The following SNX29 variants were observed in gnomAD, a reference collection of about 807,000 sequenced individuals.
SNX29 encodes the protein sorting nexin 29.
Under a neutral mutation model 102.1 loss-of-function variants are expected in SNX29, and 78 were observed. The observed-to-expected ratio is 0.76, with a 90% CI of 0.64 to 0.92. SNX29 has a LOEUF of 0.92. SNX29 is among the 40% of genes least tolerant of loss of function. The pLI is 0.00. For synonymous variants in SNX29, 580 were observed against 414.5 expected (o/e 1.40, Z -4.85); for missense variants, 1,280 against 1,061.7 (o/e 1.21, Z -2.86).
At chr16:12,386,794 CT>C in intron 16 of SNX29, among the ~76,000 whole-genome samples, 1 of 152,254 alleles carries the variant, frequency 6.6e-6, no homozygotes, top group South Asian at 2.1e-4. Context: ...AAAAAAAGGC[CT>C]TCTTTTCCAG....
At chr16:12,318,893 C>T (rs1036064483) in intron 15 of SNX29, among the ~76,000 whole-genome samples, 1 of 152,090 alleles carries the variant, frequency 6.6e-6, no homozygotes, top group African/African-American at 2.4e-5. Flanking sequence ...TCCTGAAGAC[C>T]TTCCTCTAGA....
At chr16:12,383,736 T>C (rs1365670409) in intron 16 of SNX29, among the ~76,000 whole-genome samples, 2 of 150,768 alleles carry the variant, frequency 1.3e-5, no homozygotes, top group Middle Eastern at 3.5e-3. Flanking sequence ...ACGCCCAGCC[T>C]GATGTAACAT....
At chr16:12,094,731 G>A (rs1268468432) in intron 11 of SNX29, among the ~76,000 whole-genome samples, 1 of 152,162 alleles carries the variant, frequency 6.6e-6, no homozygotes, top group Admixed American at 6.6e-5. Flanking sequence ...GTGGTGGACA[G>A]GACAGGTCCT....
chr16:12,172,845 A>G (rs1057434394), intron 13 of SNX29, among the ~76,000 whole-genome samples: 1 of 152,226 alleles, frequency 6.6e-6, no homozygotes, highest in African/African-American at 2.4e-5. Flanking sequence ...TCAGTGTTCT[A>G]TGTGAAGATG....
intron 19 of SNX29, among the ~76,000 whole-genome samples, chr16:12,506,895 G>C (rs1038026484): frequency 6.6e-6 from 1 of 150,656 alleles, no homozygotes; most frequent in Non-Finnish European, 1.5e-5. Flanking sequence ...CCTTAACGCA[G>C]TGTGTATCTG....
Position 12,043,008 on chromosome 16 carries a change from G to T in SNX29, c.359G>T (p.Arg120Leu), listed in dbSNP as rs776441656. 1.2e-6 allele frequency: 2 copies of T among 1,613,484 alleles called. No homozygotes were observed. Among genetic ancestry groups the T allele is most frequent in the East Asian group, 2.2e-5 (1 of 44,892 alleles). Residue 120 changes from arginine (R) to leucine (L), a missense_variant, in exon 5 of 21, where the codon CGC (arginine) becomes CTC (leucine). By Grantham distance (102) the Arg-to-Leu change is moderately radical (BLOSUM62 -2). Coordinates refer to ENST00000566228, the MANE Select transcript of SNX29 (RefSeq NM_032167.5). ...GTGGGCCGGGGTCGCGCCTGGCTGC[G>T]CTGTGCCCTCAACGAACACTCCCTG... ...SDVGRGRAWL[R>L]CALNEHSLER... is the part of the protein sequence containing the mutation.
chr16:12,160,433 T>C (rs2055735569), intron 13 of SNX29, among the ~76,000 whole-genome samples: 1 of 152,178 alleles, frequency 6.6e-6, no homozygotes, highest in African/African-American at 2.4e-5. Context: ...GCCAGAAAAA[T>C]AGTCTTGTGC....
intron 18 of SNX29, among the ~76,000 whole-genome samples, chr16:12,472,158 G>A (rs575164486): frequency 2.0e-4 from 30 of 152,280 alleles, no homozygotes; most frequent in Admixed American, 1.4e-3. Flanking sequence ...TGCATCTCAC[G>A]TCCACAGTAC....
intron 18 of SNX29, among the ~76,000 whole-genome samples, chr16:12,419,168 T>C (rs2084770845): frequency 6.6e-6 from 1 of 152,144 alleles, no homozygotes. Flanking sequence ...TCCCTGTCCT[T>C]GTGCTTGATT....
At chr16:12,483,117 T>TTTG (rs1567610200) in intron 19 of SNX29, among the ~76,000 whole-genome samples, 5 of 99,052 alleles carry the variant, frequency 5.0e-5, no homozygotes, top group African/African-American at 2.0e-4. Context: ...TTATTAAGTT[T>TTTG]TTTTTTTTTT....
chr16:12,222,335 A>C (rs939035021), intron 14 of SNX29, among the ~76,000 whole-genome samples: 2 of 152,208 alleles, frequency 1.3e-5, no homozygotes, highest in Non-Finnish European at 2.9e-5. Flanking sequence ...GCGGGCTTGA[A>C]ATTGATGTCA....
Position 12,096,386 on chromosome 16 carries a change from G to A in SNX29, c.1402+17471G>A, listed in dbSNP as rs1220548731. Among the ~76,000 whole-genome samples the A allele has an allele frequency of 6.6e-6, 1 of 152,196 alleles. No homozygotes were observed. Among genetic ancestry groups the A allele is most frequent in the Non-Finnish European group, 1.5e-5 (1 of 68,034 alleles). ...CAGTTCTAGGTGCTGAGGAGCCAGA[G>A]GTGGGGATCCAGCTTGGCCATGCAC... On this transcript the variant is annotated intron_variant, in intron 11 of 20. Transcript: ENST00000566228. This position sits in a 1 kb window ranked among gnomAD's most constrained non-coding sequence, Gnocchi z 4.2.
At chr16:12,153,277 G>A (rs969633276) in intron 13 of SNX29, among the ~76,000 whole-genome samples, 3 of 151,672 alleles carry the variant, frequency 2.0e-5, no homozygotes, top group Non-Finnish European at 4.4e-5. Context: ...TGAATGAATG[G>A]CACATCCTTT....
chr16:12,154,157 C>T (rs1213605541), intron 13 of SNX29, among the ~76,000 whole-genome samples: 1 of 152,222 alleles, frequency 6.6e-6, no homozygotes, highest in Non-Finnish European at 1.5e-5. Context: ...GACCCCACCT[C>T]TTTTTTCCCT....
intron 15 of SNX29, among the ~76,000 whole-genome samples, chr16:12,304,417 T>C (rs2080275716): frequency 6.6e-6 from 1 of 152,230 alleles, no homozygotes; most frequent in South Asian, 2.1e-4. Context: ...GGACTACAGG[T>C]GCACGCCACC....
At chr16:12,555,595 G>C (rs894772604) in intron 20 of SNX29, among the ~76,000 whole-genome samples, 1 of 151,814 alleles carries the variant, frequency 6.6e-6, no homozygotes, top group African/African-American at 2.4e-5. Flanking sequence ...CCTGTACCCA[G>C]CAGCTGCCCT....
At chr16:12,517,258 A>C (rs1391599017) in intron 19 of SNX29, among the ~76,000 whole-genome samples, 2 of 152,246 alleles carry the variant, frequency 1.3e-5, no homozygotes, top group Non-Finnish European at 2.9e-5. Flanking sequence ...CTGCCACCCT[A>C]GGAGCCCAAC....
intron 20 of SNX29, among the ~76,000 whole-genome samples, chr16:12,560,140 C>CA (rs899222599): frequency 2.1e-4 from 11 of 52,372 alleles, no homozygotes; most frequent in African/African-American, 4.8e-4. Context: ...TCCCCTCCCC[C>CA]CCCCAACAAA....
At chr16:12,233,112 TTCC>T (rs111575420) in intron 14 of SNX29, among the ~76,000 whole-genome samples, 3 of 151,896 alleles carry the variant, frequency 2.0e-5, no homozygotes, top group African/African-American at 2.4e-5. Flanking sequence ...TGTCTTTGTC[TTCC>T]TCCTCCTCCT....
Sources: allele counts gnomAD v4.1 joint callset (sites outside exome capture counted in the v4.1 genomes callset), GRCh38; gene constraint gnomAD v4.1.1; non-coding constraint Gnocchi (gnomAD v3.1); transcripts MANE v1.5; gene names NCBI Gene and HGNC (gene_info 2026-07-23, HGNC 2026-07-21).